PRKCZ: variants seen among roughly 807,000 people sequenced by gnomAD.
PRKCZ encodes protein kinase C zeta type.
Under a neutral mutation model 79.5 loss-of-function variants are expected in PRKCZ, and 33 were observed. That is an observed-to-expected ratio of 0.41 (90% CI 0.31 to 0.55). The LOEUF is 0.55. PRKCZ is among the 20% of genes least tolerant of loss of function. The pLI is 0.19. For synonymous variants in PRKCZ, 342 were observed against 320.9 expected (o/e 1.07, Z -0.70); for missense variants, 578 against 813.5 (o/e 0.71, Z 3.52).
intron 10 of PRKCZ, among the ~76,000 whole-genome samples, chr1:2,161,764 C>G (rs993939050): frequency 2.6e-5 from 4 of 152,126 alleles, no homozygotes; most frequent in African/African-American, 9.7e-5. Flanking sequence ...CCTTCTCCAT[C>G]CAGACCCGAA....
intron 4 of PRKCZ, chr1:2,133,690 C>G (rs563329254): frequency 2.0e-5 from 3 of 153,264 alleles, no homozygotes; most frequent in African/African-American, 7.2e-5. Flanking sequence ...GACTCGGCCC[C>G]TCAGCTGTGC....
intron 1 of PRKCZ, chr1:2,050,931 C>G (rs1571053705): frequency 2.7e-6 from 1 of 374,638 alleles, no homozygotes. Context: ...GGGTCGGCCC[C>G]GCGCCGCGAG....
At chr1:2,059,691 C>T in intron 4 of PRKCZ, 100 bp downstream of exon 4, 1 of 1,485,544 alleles carries the variant, frequency 6.7e-7, no homozygotes, top group African/African-American at 1.4e-5. Context: ...TTCGGAGGTT[C>T]ACCCTCGTGG....
Position 2,075,739 on chromosome 1 carries a change from A to G in PRKCZ, c.334+16148A>G, listed in dbSNP as rs897336656. On this transcript the variant is annotated intron_variant, in intron 4 of 17. Transcript: ENST00000378567. This position sits in a 1 kb window ranked among gnomAD's most constrained non-coding sequence, Gnocchi z 4.8. ...GCCCAGTGTCCACAGGGTGCCTGAG[A>G]GCCCAGCCCATCCACACTGGGTGCC... Among the ~76,000 whole-genome samples, 27 of 152,288 alleles carry G rather than the reference A, an allele frequency of 1.8e-4. No individual in the cohort carries two copies. The highest frequency in any genetic ancestry group is 6.5e-4 in the African/African-American group (27 of 41,556).
intron 4 of PRKCZ, among the ~76,000 whole-genome samples, chr1:2,072,616 C>T (rs1661702239): frequency 6.6e-6 from 1 of 152,100 alleles, no homozygotes; most frequent in Non-Finnish European, 1.5e-5. Context: ...CGACTGGGGG[C>T]CCGTGTAGGA....
chr1:2,099,494 C>G (rs1667092330), intron 4 of PRKCZ, among the ~76,000 whole-genome samples: 1 of 141,874 alleles, frequency 7.0e-6, no homozygotes, highest in African/African-American at 2.6e-5. Context: ...GAAGGAGCCC[C>G]TTCAGAAGCA....
At chr1:2,155,401 CGGTGATGAT>C (rs1238449687) in intron 9 of PRKCZ, among the ~76,000 whole-genome samples, 8 of 148,676 alleles carry the variant, frequency 5.4e-5, no homozygotes, top group African/African-American at 2.0e-4. Flanking sequence ...ATGGTGATGA[CGGTGATGAT>C]GGCAGTGGTG....
rs939414527 is a variant in PRKCZ at position 2,093,646 on chromosome 1, C to T, written c.334+34055C>T. Among the ~76,000 whole-genome samples, 2 of 152,120 alleles carry T rather than the reference C, an allele frequency of 1.3e-5. 1 individual carries two copies. The highest frequency in any genetic ancestry group is 6.3e-3 in the Middle Eastern group (2 of 316). On this transcript the variant is annotated intron_variant, in intron 4 of 17. Coordinates refer to ENST00000378567, the MANE Select transcript of PRKCZ (RefSeq NM_002744.6). ...TGTCCGGGTGGCTGTTGGTGCGGGG[C>T]CGCTGGGACCTGTACCCTCTAAGTT...
In PRKCZ at chr1:2,165,633, CAG is replaced by C. The variant is rs1683164682; in HGVS notation, c.975-3883_975-3882del. ...TCTGTGGCAACTATGCGTTCTAAAA[CAG>C]AAGCAGCCTTAGACACTGCGTGAAG... On this transcript the variant is annotated intron_variant, in intron 10 of 17. Coordinates refer to ENST00000378567, the MANE Select transcript of PRKCZ (RefSeq NM_002744.6). This position sits in a 1 kb window ranked among gnomAD's most constrained non-coding sequence, Gnocchi z 4.1. Among the ~76,000 whole-genome samples the C allele has an allele frequency of 6.6e-6, 1 of 152,248 alleles. No individual in the cohort carries two copies. Among genetic ancestry groups the C allele is most frequent in the African/African-American group, 2.4e-5 (1 of 41,464 alleles).
At position 2,121,324 on chromosome 1, in the gene PRKCZ, G is replaced by A. The variant is rs983410753; in HGVS notation, c.335-13938G>A. On this transcript the variant is annotated intron_variant, in intron 4 of 17. Transcript: ENST00000378567. The stretch of plus-strand genomic sequence containing the variant: ...CTGTGGGCCAGCATAAGCGAACAAG[G>A]CGTGTACTTCCGGAATGCTATGGAC... 5.9e-5 allele frequency among the ~76,000 whole-genome samples: 9 copies of A among 152,334 alleles called. No homozygotes were observed. The South Asian group carries it at 6.2e-4, about 11-fold the overall frequency.
intron 4 of PRKCZ, among the ~76,000 whole-genome samples, chr1:2,129,068 C>A (rs865845671): frequency 6.6e-6 from 1 of 152,254 alleles, no homozygotes; most frequent in African/African-American, 2.4e-5. Context: ...CCGCCAGGTC[C>A]CCCCAACATC....
At chr1:2,105,166 T>C (rs548690626) in intron 4 of PRKCZ, among the ~76,000 whole-genome samples, 1 of 152,248 alleles carries the variant, frequency 6.6e-6, no homozygotes, top group Admixed American at 6.5e-5. Context: ...ACGGCCATGC[T>C]GTTCCTTCCA....
chr1:2,070,685 G>A (rs974474776), intron 4 of PRKCZ, among the ~76,000 whole-genome samples: 1 of 151,620 alleles, frequency 6.6e-6, no homozygotes, highest in Non-Finnish European at 1.5e-5. Flanking sequence ...TGTGGGTGGA[G>A]CCATGGGGGC....
chr1:2,110,392 C>G (rs1669485693), intron 4 of PRKCZ, among the ~76,000 whole-genome samples: 1 of 152,220 alleles, frequency 6.6e-6, no homozygotes, highest in Non-Finnish European at 1.5e-5. Context: ...TTCCTCCGTT[C>G]AGGCTTCATC....
chr1:2,102,062 C>G (rs1878751), intron 4 of PRKCZ, among the ~76,000 whole-genome samples: 6,852 of 152,196 alleles, frequency 0.045, 508 homozygotes, highest in African/African-American at 0.15. Flanking sequence ...CATCCCCTGT[C>G]TCCTTTCCCC....
rs951647224 is a variant in PRKCZ, at chr1:2,168,382, G to A, written c.975-1136G>A. On this transcript the variant is annotated intron_variant, in intron 10 of 17. Coordinates refer to ENST00000378567, the MANE Select transcript of PRKCZ (RefSeq NM_002744.6). The surrounding 1 kb of genome is among the most constrained non-coding windows in gnomAD (Gnocchi z 4.7). ...GTTGGAGGCAGGGGAGACAACAAAAGCCGAGGAACGAGCCTTCCCCAGCCG... is the reference window on the plus strand; with the variant it reads ...GTTGGAGGCAGGGGAGACAACAAAAACCGAGGAACGAGCCTTCCCCAGCCG... Among the ~76,000 whole-genome samples, 1 of 152,194 alleles carries A rather than the reference G, an allele frequency of 6.6e-6. No homozygotes were observed. Among genetic ancestry groups the A allele is most frequent in the African/African-American group, 2.4e-5 (1 of 41,436 alleles).
Position 2,075,827 on chromosome 1 carries a change from C to G in PRKCZ, c.334+16236C>G, listed in dbSNP as rs1471797102. ...GCTGTCAATGGCCCCAGTGGAGAGG[C>G]CCACTGAGCATCCTGAGAAGTTCCC... On this transcript the variant is annotated intron_variant, in intron 4 of 17. Transcript: ENST00000378567. The surrounding 1 kb of genome is among the most constrained non-coding windows in gnomAD (Gnocchi z 4.8). Among the ~76,000 whole-genome samples the G allele has an allele frequency of 6.6e-6, 1 of 152,232 alleles. No individual in the cohort carries two copies. The highest frequency in any genetic ancestry group is 2.4e-5 in the African/African-American group (1 of 41,458).
In PRKCZ at chr1:2,174,951, G is replaced by C. The variant is rs971969337; in HGVS notation, c.1485+118G>C. On this transcript the variant is annotated intron_variant, in intron 15 of 17. Transcript: ENST00000378567. The surrounding 1 kb of genome is among the most constrained non-coding windows in gnomAD (Gnocchi z 6.2). ...CGGCTGCTGTGTATCGGGTGTGTGGGTTGATTTTCCGCTTCAGTATTTGAG... is the reference window on the plus strand; with the variant it reads ...CGGCTGCTGTGTATCGGGTGTGTGGCTTGATTTTCCGCTTCAGTATTTGAG... 6 of 1,094,368 alleles carry C rather than the reference G, an allele frequency of 5.5e-6. No homozygotes were observed. The highest frequency in any genetic ancestry group is 6.8e-6 in the Non-Finnish European group (5 of 738,536). 67.8% of individuals were successfully genotyped at this position (1,094,368 alleles called of 1,614,324 possible). A position where few individuals can be genotyped will look rare whatever the true frequency, so the allele number is the denominator to read the frequency against.
rs565977049 is a variant in PRKCZ, at chr1:2,138,342, G to A, written c.420+2995G>A. Among the ~76,000 whole-genome samples the A allele has an allele frequency of 3.3e-4, 51 of 152,296 alleles. 1 individual carries two copies. Among genetic ancestry groups the A allele is most frequent in the South Asian group, 2.1e-4 (1 of 4,830 alleles). On this transcript the variant is annotated intron_variant, in intron 5 of 17. Transcript: ENST00000378567. ...TGCCCTTGGACTTTGAGAAGGAAGC[G>A]TTCAGTGGGGGAGCCAAAGGGAGAG...
Sources: gnomAD v4.1 joint callset for allele counts (sites outside exome capture counted in the v4.1 genomes callset) on GRCh38, gnomAD v4.1.1 for gene constraint, Gnocchi (gnomAD v3.1) non-coding constraint, MANE v1.5 for transcripts, NCBI Gene and HGNC (gene_info 2026-07-23, HGNC 2026-07-21) for gene names.